Variants in NRG3 observed in about 807,000 individuals in gnomAD.
NRG3 encodes the protein pro-neuregulin-3, membrane-bound isoform.
In NRG3, 31 loss-of-function variants were observed where a neutral mutation model predicts 66.9. The observed-to-expected ratio is 0.46, with a 90% confidence interval of 0.35 to 0.63. The LOEUF (loss-of-function observed/expected upper bound fraction) is 0.63. NRG3 is among the 20% of genes least tolerant of loss of function. The pLI is 0.00. For synonymous variants in NRG3, 393 were observed against 359.4 expected, an observed-to-expected ratio of 1.09 and a Z score of -1.06; for missense variants, 910 against 878.9, an observed-to-expected ratio of 1.04 and a Z score of -0.45.
intron 2 of NRG3, among the ~76,000 whole-genome samples, chr10:82,499,642 G>T (rs1233799560): frequency 3.3e-5 from 5 of 152,100 alleles, no homozygotes; most frequent in African/African-American, 1.2e-4. Context: ...GACCTCTGTT[G>T]CTACTGTTTC....
chr10:82,076,147 G>GA, intron 1 of NRG3, among the ~76,000 whole-genome samples: 1 of 152,264 alleles, frequency 6.6e-6, no homozygotes, highest in Admixed American at 6.5e-5. Flanking sequence ...AGCAATACAT[G>GA]ACAGACATCG....
intron 2 of NRG3, among the ~76,000 whole-genome samples, chr10:82,375,702 C>T (rs2135784787): frequency 6.6e-6 from 1 of 152,234 alleles, no homozygotes. Context: ...TTTCTGATTC[C>T]TAGCAGGGTG....
chr10:81,960,913 C>A (rs1350870876), intron 1 of NRG3, among the ~76,000 whole-genome samples: 2 of 152,072 alleles, frequency 1.3e-5, no homozygotes, highest in Admixed American at 1.3e-4. Context: ...AGAGTTGCCT[C>A]CAAGCCTATC....
At chr10:82,391,683 T>G (rs75600920) in intron 2 of NRG3, among the ~76,000 whole-genome samples, 1 of 152,048 alleles carries the variant, frequency 6.6e-6, no homozygotes, top group Non-Finnish European at 1.5e-5. Context: ...GGGGATAAAC[T>G]TTTGGGGAAA....
chr10:82,609,988 G>C (rs1222899061), intron 2 of NRG3, among the ~76,000 whole-genome samples: 1 of 152,164 alleles, frequency 6.6e-6, no homozygotes, highest in African/African-American at 2.4e-5. Context: ...TTTATCTAGA[G>C]GATCTGGAGG....
intron 3 of NRG3, among the ~76,000 whole-genome samples, chr10:82,818,779 C>T (rs1013632397): frequency 2.6e-5 from 4 of 152,184 alleles, no homozygotes; most frequent in Non-Finnish European, 5.9e-5. Context: ...TGTCTCCCAA[C>T]GCATCACACC....
chr10:82,983,186 T>A (rs1024157071), intron 8 of NRG3, among the ~76,000 whole-genome samples: 2 of 152,214 alleles, frequency 1.3e-5, no homozygotes, highest in African/African-American at 4.8e-5. Flanking sequence ...ACATTTTTTG[T>A]CTCTGTTTCA....
intron 1 of NRG3, among the ~76,000 whole-genome samples, chr10:81,898,933 C>A (rs1843772484): frequency 6.6e-6 from 1 of 152,142 alleles, no homozygotes; most frequent in South Asian, 2.1e-4. Context: ...TTGTTAAAAG[C>A]AGCTCTTGCT....
intron 2 of NRG3, among the ~76,000 whole-genome samples, chr10:82,420,778 G>A (rs772504972): frequency 6.6e-6 from 1 of 152,130 alleles, no homozygotes; most frequent in Non-Finnish European, 1.5e-5. Context: ...ATTTCCTTCA[G>A]TGGGAGAATG....
In NRG3 at chr10:82,985,630, T is replaced by C; in HGVS notation, c.*25T>C. The C allele has an allele frequency of 1.3e-6, 2 of 1,588,846 alleles. No homozygotes were observed. Among genetic ancestry groups the C allele is most frequent in the Non-Finnish European group, 1.7e-6 (2 of 1,172,544 alleles). ...ACTTGAGATGTAGGAATCTGTGCATTCTATGCTTTGCTCAACAGGAAAGAG... is the reference window on the plus strand; with the variant it reads ...ACTTGAGATGTAGGAATCTGTGCATCCTATGCTTTGCTCAACAGGAAAGAG... On this transcript the variant is annotated 3_prime_UTR_variant, in exon 9 of 9. Transcript: ENST00000372141.
At chr10:82,303,364 G>T (rs1589653164) in intron 1 of NRG3, among the ~76,000 whole-genome samples, 1 of 105,546 alleles carries the variant, frequency 9.5e-6, no homozygotes, top group Admixed American at 8.7e-5. Flanking sequence ...CACACGGAAG[G>T]ACACACAACC....
At chr10:81,927,629 G>T (rs1846933640) in intron 1 of NRG3, among the ~76,000 whole-genome samples, 1 of 152,016 alleles carries the variant, frequency 6.6e-6, no homozygotes, top group Non-Finnish European at 1.5e-5. Context: ...AAAATTGATT[G>T]GGAAGTTCAG....
chr10:82,191,977 T>C (rs1157123151), intron 1 of NRG3, among the ~76,000 whole-genome samples: 1 of 152,204 alleles, frequency 6.6e-6, no homozygotes, highest in African/African-American at 2.4e-5. Flanking sequence ...ATTCTCTCTT[T>C]CTGATTTCCC....
rs60882154 is a variant in NRG3, at chr10:82,301,686, CTATATA to C, written c.824-57037_824-57032del. On this transcript the variant is annotated intron_variant, in intron 1 of 8. Coordinates refer to ENST00000372141, the MANE Select transcript of NRG3 (RefSeq NM_001010848.4). Reference sequence around the variant, plus strand: ...TATGTATATGTATACACATATATTCCTATATATATATATATATATATGTAAATAGTT... The same window carrying C: ...TATGTATATGTATACACATATATTCCTATATATATATATATGTAAATAGTT... Among the ~76,000 whole-genome samples the C allele has an allele frequency of 5.0e-4, 69 of 137,698 alleles. 1 individual carries two copies. Among genetic ancestry groups the C allele is most frequent in the Admixed American group, 8.8e-4 (12 of 13,608 alleles). The allele number at this position is 137,698 out of a possible 152,430, so 90.3% of individuals were successfully genotyped here.
At chr10:81,879,665 A>G (rs1011466040) in intron 1 of NRG3, among the ~76,000 whole-genome samples, 1 of 152,236 alleles carries the variant, frequency 6.6e-6, no homozygotes, top group African/African-American at 2.4e-5. Context: ...TAGAATGTAC[A>G]TTTGATGTTT....
At chr10:82,368,755 A>G (rs1273752277) in intron 2 of NRG3, among the ~76,000 whole-genome samples, 1 of 138,980 alleles carries the variant, frequency 7.2e-6, no homozygotes, top group Non-Finnish European at 1.5e-5. Context: ...TTATTTCACC[A>G]AATTTATTTT....
chr10:82,847,324 C>T (rs942647099), intron 3 of NRG3, among the ~76,000 whole-genome samples: 1 of 152,146 alleles, frequency 6.6e-6, no homozygotes, highest in Non-Finnish European at 1.5e-5. Context: ...TAGTTGGCTA[C>T]GTTGACACTT....
chr10:82,973,936 T>C (rs760082055), intron 7 of NRG3, 21 bp downstream of exon 7: 1 of 1,613,516 alleles, frequency 6.2e-7, no homozygotes, highest in South Asian at 1.1e-5. Flanking sequence ...CTCATCATGG[T>C]GGGTGTGGGC....
At chr10:82,593,116 C>A (rs1428632872) in intron 2 of NRG3, among the ~76,000 whole-genome samples, 1 of 152,006 alleles carries the variant, frequency 6.6e-6, no homozygotes, top group Non-Finnish European at 1.5e-5. Flanking sequence ...TCCCTTTGAC[C>A]CTGTTGTTTG....
Sources: gnomAD v4.1 joint callset for allele counts (sites outside exome capture counted in the v4.1 genomes callset) on GRCh38, gnomAD v4.1.1 for gene constraint, MANE v1.5 for transcripts, NCBI Gene and HGNC (gene_info 2026-07-23, HGNC 2026-07-21) for gene names.